KLF17: variants seen among roughly 807,000 people sequenced by gnomAD.
The protein encoded by KLF17 is KLF transcription factor 17, also known as Krueppel-like factor 17.
KLF17 carries 31 observed loss-of-function variants against 34.2 expected under a neutral mutation model. That is an observed-to-expected ratio of 0.91 (90% CI 0.68 to 1.22). KLF17 has a LOEUF of 1.22. KLF17 is among the 50% of genes most tolerant of loss of function. The pLI is 0.00. For synonymous variants in KLF17, 179 were observed against 186.7 expected (o/e 0.96, Z 0.34); for missense variants, 478 against 505.2 (o/e 0.95, Z 0.52).
the KLF17 span, among the ~76,000 whole-genome samples, chr1:44,057,974 G>A: frequency 2.6e-5 from 4 of 152,182 alleles, no homozygotes; most frequent in African/African-American, 9.7e-5. Flanking sequence ...AGTATTTATA[G>A]ACACTTTCAC....
the KLF17 span, among the ~76,000 whole-genome samples, chr1:44,086,145 A>C: frequency 1.3e-5 from 2 of 152,246 alleles, no homozygotes; most frequent in African/African-American, 4.8e-5. Flanking sequence ...GAGTATAGAC[A>C]CTTGTGTTGA....
At chr1:44,092,861 CA>C in the KLF17 span, among the ~76,000 whole-genome samples, 4 of 150,376 alleles carry the variant, frequency 2.7e-5, no homozygotes, top group East Asian at 1.9e-4. Context: ...AAAAATTTAT[CA>C]AAAAAAACCC....
chr1:44,047,264 C>CA, the KLF17 span, among the ~76,000 whole-genome samples: 1 of 152,104 alleles, frequency 6.6e-6, no homozygotes, highest in Admixed American at 6.5e-5. Flanking sequence ...TAAGATGGAG[C>CA]AATTGTACTC....
chr1:44,084,720 A>C, the KLF17 span, among the ~76,000 whole-genome samples: 3 of 151,366 alleles, frequency 2.0e-5, no homozygotes, highest in African/African-American at 7.3e-5. Flanking sequence ...GTGACTGCAT[A>C]AGCCTTTGCT....
intron 1 of KLF17, chr1:44,122,317 G>GA: frequency 6.3e-7 from 1 of 1,595,826 alleles, no homozygotes; most frequent in East Asian, 2.2e-5. Flanking sequence ...ATAAAATACC[G>GA]AATGTTATTT....
At chr1:44,074,832 T>C in the KLF17 span, 12 of 152,344 alleles carry the variant, frequency 7.9e-5, no homozygotes, top group East Asian at 1.2e-3. Flanking sequence ...TTATTTATAA[T>C]ATCAGGAAAC....
chr1:44,133,449 C>T lies in KLF17; in HGVS notation c.*212C>T, dbSNP rs1284007810. ...AGAAAGACTTCTCAAGGAGGTGCCT[C>T]CATCAGACCCAAAGGACTCATGGGG... On this transcript the variant is annotated 3_prime_UTR_variant, in exon 4 of 4. Coordinates refer to ENST00000372299, the MANE Select transcript of KLF17 (RefSeq NM_173484.4). The T allele has an allele frequency of 1.3e-5, 2 of 152,226 alleles. No individual in the cohort carries two copies. Among genetic ancestry groups the T allele is most frequent in the Non-Finnish European group, 2.9e-5 (2 of 68,070 alleles). 9.4% of individuals were successfully genotyped at this position (152,226 alleles called of 1,614,324 possible). A position where few individuals can be genotyped will look rare whatever the true frequency, so the allele number is the denominator to read the frequency against.
chr1:44,106,103 G>A, the KLF17 span, among the ~76,000 whole-genome samples: 1 of 152,138 alleles, frequency 6.6e-6, no homozygotes. Flanking sequence ...ACTGCTGAAT[G>A]AGGAGACCTC....
the KLF17 span, among the ~76,000 whole-genome samples, chr1:44,109,063 G>A: frequency 6.6e-6 from 1 of 152,152 alleles, no homozygotes; most frequent in African/African-American, 2.4e-5. Context: ...TTTGAGATCT[G>A]TCTGAACTGG....
At chr1:44,086,140 T>C in the KLF17 span, among the ~76,000 whole-genome samples, 1 of 152,068 alleles carries the variant, frequency 6.6e-6, no homozygotes, top group African/African-American at 2.4e-5. Context: ...ACGCTGAGTA[T>C]AGACACTTGT....
At chr1:44,130,377 C>G (rs2088093245) in intron 2 of KLF17, 135 bp from the exon 3 acceptor site, 2 of 1,385,780 alleles carry the variant, frequency 1.4e-6, no homozygotes, top group East Asian at 4.6e-5. Flanking sequence ...GGCGGGCACT[C>G]CTGATTGTGT....
chr1:44,074,382 C>G, the KLF17 span, among the ~76,000 whole-genome samples: 1 of 152,116 alleles, frequency 6.6e-6, no homozygotes, highest in Non-Finnish European at 1.5e-5. Context: ...TGTGGCTAGC[C>G]GCCTTCTGTT....
chr1:44,044,765 C>T, the KLF17 span: 8 of 152,260 alleles, frequency 5.3e-5, no homozygotes, highest in Non-Finnish European at 7.3e-5. Context: ...CTGGGTAATA[C>T]CCATCTAAGG....
chr1:44,083,565 G>C, the KLF17 span, among the ~76,000 whole-genome samples: 1 of 152,150 alleles, frequency 6.6e-6, no homozygotes, highest in East Asian at 1.9e-4. Flanking sequence ...GGGAGGCTGA[G>C]GAGGGTGGAT....
chr1:44,091,913 C>CA, the KLF17 span, among the ~76,000 whole-genome samples: 26,192 of 98,302 alleles, frequency 0.27, 3,385 homozygotes, highest in East Asian at 0.35. Context: ...AACTCTGTCT[C>CA]AAAAAAAAAA....
At chr1:44,100,116 A>ACACACACACAC in the KLF17 span, among the ~76,000 whole-genome samples, 1 of 144,230 alleles carries the variant, frequency 6.9e-6, no homozygotes, top group African/African-American at 2.6e-5. Flanking sequence ...ACACACACAC[A>ACACACACACAC]AATTAGCTGG....
chr1:44,103,626 A>G, the KLF17 span: 9 of 1,610,018 alleles, frequency 5.6e-6, no homozygotes, highest in Non-Finnish European at 6.8e-6. Flanking sequence ...CTCGATGTCC[A>G]GGGCCAGCTT....
At chr1:44,121,617 G>A (rs2087946915) in intron 1 of KLF17, among the ~76,000 whole-genome samples, 1 of 152,078 alleles carries the variant, frequency 6.6e-6, no homozygotes, top group Non-Finnish European at 1.5e-5. Context: ...GCTAACTTTT[G>A]TCTTATAGAA....
chr1:44,079,823 G>A, the KLF17 span, among the ~76,000 whole-genome samples: 2 of 152,060 alleles, frequency 1.3e-5, no homozygotes, highest in African/African-American at 4.8e-5. Context: ...GTTCTTTGGT[G>A]ACGGCTCTGT....
Sources: gnomAD v4.1 joint callset for allele counts (sites outside exome capture counted in the v4.1 genomes callset) on GRCh38, gnomAD v4.1.1 for gene constraint, MANE v1.5 for transcripts, NCBI Gene and HGNC (gene_info 2026-07-23, HGNC 2026-07-21) for gene names.